SDC3: variants seen among roughly 807,000 people sequenced by gnomAD.
SDC3 encodes syndecan 3.
In SDC3, 13 loss-of-function variants were observed where a neutral mutation model predicts 24.4. The observed-to-expected ratio is 0.53, with a 90% CI of 0.35 to 0.85. The LOEUF is 0.85. Ranked by LOEUF, SDC3 falls within the 40% of genes least tolerant of loss-of-function variation. The pLI is 0.01. For missense variants in SDC3, 571 were observed against 584.5 expected (o/e 0.98, Z 0.24); for synonymous variants, 295 against 260.9 (o/e 1.13, Z -1.26).
chr1:30,905,439 A>G (rs10158813), intron 1 of SDC3, among the ~76,000 whole-genome samples: 15,170 of 149,080 alleles, frequency 0.1, 874 homozygotes, highest in South Asian at 0.15. Context: ...ACCACAGTAC[A>G]GCAACTTTGT....
chr1:30,887,500 G>A (rs1181014783), intron 1 of SDC3, among the ~76,000 whole-genome samples: 2 of 151,940 alleles, frequency 1.3e-5, no homozygotes, highest in Non-Finnish European at 2.9e-5. Context: ...ACATGACACT[G>A]TGTCCCCACT....
intron 1 of SDC3, among the ~76,000 whole-genome samples, chr1:30,881,027 GCACACA>G (rs146814082): frequency 1.5e-4 from 20 of 134,652 alleles, no homozygotes; most frequent in East Asian, 4.4e-4. Context: ...GCGCACGCAT[GCACACA>G]CACACACACA....
intron 1 of SDC3, among the ~76,000 whole-genome samples, chr1:30,896,502 T>C (rs971917641): frequency 4.6e-5 from 7 of 151,956 alleles, no homozygotes; most frequent in African/African-American, 1.5e-4. Context: ...GGAGGGGTCA[T>C]TATTGGATTC....
At chr1:30,881,065 C>T (rs1003019073) in intron 1 of SDC3, among the ~76,000 whole-genome samples, 1 of 150,486 alleles carries the variant, frequency 6.6e-6, no homozygotes, top group Admixed American at 6.6e-5. Flanking sequence ...GACAGCCCAA[C>T]ATCCTCATGC....
chr1:30,869,485 T>C lies in SDC3; in HGVS notation c.*3726A>G. 1 of 395,964 alleles carries C rather than the reference T, an allele frequency of 2.5e-6. No individual in the cohort carries two copies. 24.5% of individuals were successfully genotyped at this position (395,964 alleles called of 1,614,324 possible). ...GGCACATCATTTCAGCTTAATTTTA[T>C]TTCCTCTTATAAATGGGCACAGCAC... On this transcript the variant is annotated 3_prime_UTR_variant, in exon 5 of 5. Coordinates refer to ENST00000339394, the MANE Select transcript of SDC3 (RefSeq NM_014654.4).
chr1:30,902,245 G>A (rs1025071278), intron 1 of SDC3, among the ~76,000 whole-genome samples: 1 of 152,214 alleles, frequency 6.6e-6, no homozygotes, highest in Non-Finnish European at 1.5e-5. Flanking sequence ...ATCATTTGTT[G>A]GGGCCACCGC....
intron 1 of SDC3, chr1:30,881,533 T>C (rs16834127): frequency 0.1 from 15,882 of 152,274 alleles, 1,987 homozygotes; most frequent in East Asian, 0.53. Context: ...GCGTGCCCGG[T>C]GGAAGCACTG....
upstream of SDC3, among the ~76,000 whole-genome samples, chr1:30,909,032 T>A (rs1638598366): frequency 1.3e-5 from 2 of 151,882 alleles, no homozygotes; most frequent in South Asian, 2.1e-4. Context: ...GCGGCCGCCG[T>A]GCTAGGTAGA....
At chr1:30,907,760 C>T (rs531506947) in intron 1 of SDC3, among the ~76,000 whole-genome samples, 3 of 152,306 alleles carry the variant, frequency 2.0e-5, no homozygotes, top group Admixed American at 1.3e-4. Flanking sequence ...CGCCCACACA[C>T]GCCCACACAC....
Position 30,908,594 on chromosome 1 carries a change from G to A in SDC3, c.-8C>T, listed in dbSNP as rs911243309. Reference sequence around the variant, plus strand: ...CGGCGGCCCCGGCTTCATGGCGGCGGCGCGGGCGCGGGCGGCGGGCGGCGG... The same window carrying A: ...CGGCGGCCCCGGCTTCATGGCGGCGACGCGGGCGCGGGCGGCGGGCGGCGG... On this transcript the variant is annotated 5_prime_UTR_variant, in exon 1 of 5. Coordinates refer to ENST00000339394, the MANE Select transcript of SDC3 (RefSeq NM_014654.4). 4.4e-3 allele frequency: 4,307 copies of A among 970,956 alleles called. 13 individuals are homozygous for A. The highest frequency in any genetic ancestry group is 4.9e-3 in the Non-Finnish European group (4,028 of 821,514). The allele number at this position is 970,956 out of a possible 1,614,324, so 60.1% of individuals were successfully genotyped here.
intron 1 of SDC3, among the ~76,000 whole-genome samples, chr1:30,903,469 A>G (rs2124344988): frequency 6.6e-6 from 1 of 152,158 alleles, no homozygotes; most frequent in Non-Finnish European, 1.5e-5. Context: ...TCTTGCTGAC[A>G]GCCCTTCGCA....
chr1:30,874,602 G>T lies in SDC3; in HGVS notation c.871-14C>A. 1 of 1,611,636 alleles carries T rather than the reference G, an allele frequency of 6.2e-7. No individual in the cohort carries two copies. The highest frequency in any genetic ancestry group is 8.5e-7 in the Non-Finnish European group (1 of 1,178,600). ...TGGAGTTGGGGTCTGCAGAGAGGGT[G>T]GCATGAGCCCAGGACAACCACACAT... On this transcript the variant is annotated splice_polypyrimidine_tract_variant and intron_variant, in intron 3 of 4. Transcript: ENST00000339394.
In SDC3 at chr1:30,873,130, C is replaced by G; in HGVS notation, c.*81G>C. The G allele has an allele frequency of 9.4e-7, 1 of 1,060,040 alleles. No homozygotes were observed. Among genetic ancestry groups the G allele is most frequent in the Non-Finnish European group, 1.4e-6 (1 of 692,986 alleles). 65.7% of individuals were successfully genotyped at this position (1,060,040 alleles called of 1,614,324 possible). A position where few individuals can be genotyped will look rare whatever the true frequency, so the allele number is the denominator to read the frequency against. On this transcript the variant is annotated 3_prime_UTR_variant, in exon 5 of 5. Coordinates refer to ENST00000339394, the MANE Select transcript of SDC3 (RefSeq NM_014654.4). Reference sequence around the variant, plus strand: ...ACTGGGGCCAGGTTCCAGGCCCAGTCCCAGGCTTGGGCTGGTGGGGCCAGG... The same window carrying G: ...ACTGGGGCCAGGTTCCAGGCCCAGTGCCAGGCTTGGGCTGGTGGGGCCAGG...
At chr1:30,908,259 G>C (rs12118566) in intron 1 of SDC3, among the ~76,000 whole-genome samples, 190 bp downstream of exon 1, 34,272 of 147,820 alleles carry the variant, frequency 0.23, 5,067 homozygotes, top group Non-Finnish European at 0.31. Flanking sequence ...GATTCCGGAG[G>C]GGGGGGAGCA....
intron 1 of SDC3, among the ~76,000 whole-genome samples, chr1:30,907,398 C>T (rs997735080): frequency 1.3e-5 from 2 of 152,170 alleles, no homozygotes; most frequent in African/African-American, 4.8e-5. Flanking sequence ...TCACCTCATA[C>T]ATACCATCAC....
At chr1:30,899,529 G>A (rs188793661) in intron 1 of SDC3, among the ~76,000 whole-genome samples, 34 of 152,008 alleles carry the variant, frequency 2.2e-4, no homozygotes, top group Middle Eastern at 3.4e-3. Context: ...ACCTGCCACC[G>A]CCTGGCTAAT....
intron 1 of SDC3, among the ~76,000 whole-genome samples, chr1:30,895,957 G>A (rs1032039785): frequency 2.6e-5 from 4 of 152,258 alleles, no homozygotes; most frequent in African/African-American, 9.6e-5. Flanking sequence ...AACCGAGCCT[G>A]AGCCTCCGAG....
Position 30,874,737 on chromosome 1 carries a change from T to C in SDC3, c.871-149A>G. 4 of 738,380 alleles carry C rather than the reference T, an allele frequency of 5.4e-6. No individual in the cohort carries two copies. The South Asian group carries it at 7.3e-5, about 13-fold the overall frequency. 45.7% of individuals were successfully genotyped at this position (738,380 alleles called of 1,614,324 possible). On this transcript the variant is annotated intron_variant, in intron 3 of 4. Transcript: ENST00000339394. Reference sequence around the variant, plus strand: ...CTATCCCCATGAAGGAGTGTAACAATGCCCCCAGTTTACAGAGCAGGAAGT... The same window carrying C: ...CTATCCCCATGAAGGAGTGTAACAACGCCCCCAGTTTACAGAGCAGGAAGT...
At position 30,874,530 on chromosome 1, in the gene SDC3, C is replaced by A. The variant is rs1241913921; in HGVS notation, c.929G>T (p.Ser310Ile). ...CTCGAAGTCTCCACTGGGCCCCCCA[C>A]TCACCGGAACCTCTGGCTCATCCCG... Reference protein sequence around the residue: ...TIRDEPEVPVSGGPSGDFELP... With the variant: ...TIRDEPEVPVIGGPSGDFELP... The change falls in exon 4 of 5, where the codon AGT (serine) becomes ATT (isoleucine). Residue 310 changes from serine (S) to isoleucine (I), a missense_variant. By Grantham distance (142) the Ser-to-Ile change is moderately radical (BLOSUM62 -2). Around this residue, in one of 2 missense-constraint regions of SDC3, gnomAD observed 497 missense variants for 471.6 expected, o/e 1.05. Transcript: ENST00000339394. The A allele has an allele frequency of 6.2e-6, 10 of 1,614,160 alleles. No homozygotes were observed. Among genetic ancestry groups the A allele is most frequent in the Non-Finnish European group, 8.5e-6 (10 of 1,180,018 alleles).
Sources: allele counts gnomAD v4.1 joint callset (sites outside exome capture counted in the v4.1 genomes callset), GRCh38; gene constraint gnomAD v4.1.1; regional missense constraint gnomAD v4.1.1; transcripts MANE v1.5; gene names NCBI Gene and HGNC (gene_info 2026-07-23, HGNC 2026-07-21).